The following FRMD4B variants were observed in gnomAD, a reference collection of about 807,000 sequenced individuals.
FRMD4B encodes the protein FERM domain-containing protein 4B.
In FRMD4B, 74 loss-of-function variants were observed where a neutral mutation model predicts 141.5. That is an observed-to-expected ratio of 0.52 (90% CI 0.43 to 0.63). FRMD4B has a LOEUF of 0.63. FRMD4B is among the 30% of genes least tolerant of loss of function. FRMD4B has a pLI of 0.00. For synonymous variants in FRMD4B, 506 were observed against 467.9 expected, an observed-to-expected ratio of 1.08 and a Z score of -1.05; for missense variants, 1,366 against 1,253.4, an observed-to-expected ratio of 1.09 and a Z score of -1.36.
intron 1 of FRMD4B, among the ~76,000 whole-genome samples, chr3:69,490,322 A>G (rs1706281774): frequency 1.3e-5 from 2 of 152,202 alleles, no homozygotes. Flanking sequence ...AGGGTCTCTT[A>G]ATCTTGTTAG....
chr3:69,222,512 C>T (rs1168167514), intron 8 of FRMD4B, among the ~76,000 whole-genome samples: 2 of 150,666 alleles, frequency 1.3e-5, no homozygotes, highest in Non-Finnish European at 1.5e-5. Context: ...TGGCTCATAC[C>T]TGTATTCCCA....
chr3:69,295,291 G>A (rs988957239), intron 4 of FRMD4B, among the ~76,000 whole-genome samples: 1 of 152,144 alleles, frequency 6.6e-6, no homozygotes, highest in Non-Finnish European at 1.5e-5. Flanking sequence ...TACCAATGCT[G>A]AAGACATTAT....
intron 1 of FRMD4B, among the ~76,000 whole-genome samples, chr3:69,322,541 A>G (rs534887610): frequency 1.3e-5 from 2 of 150,236 alleles, no homozygotes; most frequent in African/African-American, 2.5e-5. Context: ...GACTTCTTTC[A>G]TGTTGCTAAC....
At chr3:69,253,183 ATTTTTT>A (rs5849890) in intron 5 of FRMD4B, among the ~76,000 whole-genome samples, 23 of 129,880 alleles carry the variant, frequency 1.8e-4, no homozygotes, top group Admixed American at 3.3e-4. Context: ...TATGATTCCT[ATTTTTT>A]TTTTTTTTTT....
At chr3:69,244,446 G>A (rs1167875058) in intron 7 of FRMD4B, among the ~76,000 whole-genome samples, 10 of 152,168 alleles carry the variant, frequency 6.6e-5, no homozygotes. Flanking sequence ...GAAGGTATTT[G>A]GGGACATATT....
intron 1 of FRMD4B, among the ~76,000 whole-genome samples, chr3:69,463,485 G>A (rs908689444): frequency 6.6e-6 from 1 of 152,176 alleles, no homozygotes; most frequent in Non-Finnish European, 1.5e-5. Context: ...TTCATTTAAT[G>A]AGTGATATTC....
chr3:69,399,661 C>A (rs1420936694), intron 2 of FRMD4B, among the ~76,000 whole-genome samples: 1 of 152,150 alleles, frequency 6.6e-6, no homozygotes, highest in African/African-American at 2.4e-5. Context: ...CTCTTTAAGT[C>A]CTCAACACTC....
chr3:69,338,522 G>T (rs1475130228), intron 1 of FRMD4B, among the ~76,000 whole-genome samples: 2 of 151,976 alleles, frequency 1.3e-5, no homozygotes, highest in Admixed American at 1.3e-4. Flanking sequence ...GTGAGAAAAT[G>T]TCCTTTGCAA....
At chr3:69,355,688 GT>G (rs1703293026) in intron 1 of FRMD4B, among the ~76,000 whole-genome samples, 1 of 152,106 alleles carries the variant, frequency 6.6e-6, no homozygotes. Context: ...GTAAGCTCAG[GT>G]TATGGTGTGA....
At chr3:69,302,576 A>G (rs1701252924) in intron 3 of FRMD4B, 141 bp from the exon 4 acceptor site, 1 of 607,012 alleles carries the variant, frequency 1.6e-6, no homozygotes, top group African/African-American at 1.8e-5. Context: ...TGGTAATGAG[A>G]CCAACTCAGC....
At chr3:69,257,428 T>G (rs1388369003) in intron 5 of FRMD4B, among the ~76,000 whole-genome samples, 2 of 152,162 alleles carry the variant, frequency 1.3e-5, no homozygotes, top group Non-Finnish European at 2.9e-5. Context: ...GAGCAGCTCC[T>G]TTCTTTTTAC....
At chr3:69,308,605 T>C (rs1701472123) in intron 3 of FRMD4B, among the ~76,000 whole-genome samples, 1 of 151,930 alleles carries the variant, frequency 6.6e-6, no homozygotes, top group Non-Finnish European at 1.5e-5. Context: ...GCCCCCTTAA[T>C]GTTTTTGCAT....
At chr3:69,264,051 G>C (rs1220978243) in intron 5 of FRMD4B, among the ~76,000 whole-genome samples, 1 of 151,660 alleles carries the variant, frequency 6.6e-6, no homozygotes, top group African/African-American at 2.4e-5. Context: ...TCAAACTCCT[G>C]GCCTCAAGTG....
chr3:69,418,228 CAT>C lies in FRMD4B; in HGVS notation c.-1+14404_-1+14405del, dbSNP rs771312454. ...TGCTCATACATTATAACTAATAACA[CAT>C]GTTTACCAAAAATATACACGGTGTA... On this transcript the variant is annotated intron_variant, in intron 2 of 5. Transcript: ENST00000459638. 1.5e-4 allele frequency among the ~76,000 whole-genome samples: 23 copies of C among 152,258 alleles called. 1 individual carries two copies. Among genetic ancestry groups the C allele is most frequent in the Middle Eastern group, 3.4e-3 (1 of 294 alleles).
chr3:69,249,512 T>G (rs1302543129), intron 6 of FRMD4B, among the ~76,000 whole-genome samples: 1 of 152,218 alleles, frequency 6.6e-6, no homozygotes, highest in East Asian at 1.9e-4. Flanking sequence ...CTGTACGTTT[T>G]TAAGATCACA....
Position 69,382,241 on chromosome 3 carries a change from T to C in FRMD4B, c.162+3587A>G, listed in dbSNP as rs943458066. On this transcript the variant is annotated intron_variant, in intron 1 of 22. Transcript: ENST00000398540. Reference sequence around the variant, plus strand: ...TTTTAGTAGAGATGGCGTTTTGCCATGTTGGCCAGGCTGGTCTCGAACTCG... The same window carrying C: ...TTTTAGTAGAGATGGCGTTTTGCCACGTTGGCCAGGCTGGTCTCGAACTCG... Among the ~76,000 whole-genome samples the C allele has an allele frequency of 4.6e-5, 7 of 152,358 alleles. No homozygotes were observed. The East Asian group carries it at 1.2e-3, about 25-fold the overall frequency.
chr3:69,308,922 T>C (rs1484600373), intron 3 of FRMD4B, among the ~76,000 whole-genome samples: 3 of 152,182 alleles, frequency 2.0e-5, no homozygotes, highest in Non-Finnish European at 2.9e-5. Flanking sequence ...AACCCAAGTT[T>C]TCTTGGTCAT....
intron 1 of FRMD4B, among the ~76,000 whole-genome samples, chr3:69,453,487 A>G (rs1224426211): frequency 2.0e-5 from 3 of 152,356 alleles, no homozygotes; most frequent in Admixed American, 6.5e-5. Flanking sequence ...ATGCAGCTCT[A>G]AATAAATAAA....
In FRMD4B at chr3:69,264,736, A is replaced by G. The variant is rs536541558; in HGVS notation, c.502-14637T>C. ...GGAGTTTTGAGGACAAACAAAGATG[A>G]GACATAAAGATGCTTTGAAAAAGTA... On this transcript the variant is annotated intron_variant, in intron 5 of 22. Coordinates refer to ENST00000398540, the MANE Select transcript of FRMD4B (RefSeq NM_015123.3). Among the ~76,000 whole-genome samples the G allele has an allele frequency of 2.6e-5, 4 of 152,344 alleles. No homozygotes were observed. The East Asian group carries it at 7.7e-4, about 29-fold the overall frequency.
Sources: gnomAD v4.1 joint callset for allele counts (sites outside exome capture counted in the v4.1 genomes callset) on GRCh38, gnomAD v4.1.1 for gene constraint, MANE v1.5 for transcripts, NCBI Gene and HGNC (gene_info 2026-07-23, HGNC 2026-07-21) for gene names.